The following PRKN variants were observed in gnomAD, a reference collection of about 807,000 sequenced individuals.
The protein encoded by PRKN is parkin RBR E3 ubiquitin protein ligase, also known as E3 ubiquitin-protein ligase parkin.
PRKN carries 56 observed loss-of-function variants against 59.5 expected under a neutral mutation model. The observed-to-expected ratio is 0.94, with a 90% confidence interval of 0.76 to 1.18. The LOEUF (loss-of-function observed/expected upper bound fraction) is 1.18, where lower values mean the gene tolerates loss of function less well. Ranked by LOEUF, PRKN falls within the 50% of genes most tolerant of loss-of-function variation. The pLI, the probability that PRKN is intolerant of heterozygous loss-of-function variation, is 0.00. For synonymous variants in PRKN, 250 were observed against 222.1 expected, an observed-to-expected ratio of 1.13 and a Z score of -1.12; for missense variants, 657 against 596.4, an observed-to-expected ratio of 1.10 and a Z score of -1.06.
chr6:161,656,950 G>C (rs998197434), intron 7 of PRKN, among the ~76,000 whole-genome samples: 1 of 152,180 alleles, frequency 6.6e-6, no homozygotes, highest in South Asian at 2.1e-4. Context: ...CTCGTAAGTT[G>C]TGTGTTTCTG....
intron 1 of PRKN, among the ~76,000 whole-genome samples, chr6:162,543,933 T>C (rs1438338086): frequency 4.6e-5 from 7 of 152,202 alleles, no homozygotes; most frequent in Admixed American, 2.0e-4. Flanking sequence ...TTTCTGACTA[T>C]GAAACCTTTA....
intron 5 of PRKN, among the ~76,000 whole-genome samples, chr6:162,010,215 T>C (rs898519075): frequency 3.7e-5 from 5 of 135,532 alleles, no homozygotes; most frequent in African/African-American, 1.4e-4. Flanking sequence ...ATATATATTA[T>C]ATATACATAA....
At chr6:162,706,757 T>C (rs1778353741) in intron 1 of PRKN, among the ~76,000 whole-genome samples, 1 of 152,158 alleles carries the variant, frequency 6.6e-6, no homozygotes, top group African/African-American at 2.4e-5. Flanking sequence ...TCAGGCATTG[T>C]TTTTATCTAT....
At chr6:161,722,834 GT>G (rs1787281774) in intron 7 of PRKN, among the ~76,000 whole-genome samples, 1 of 152,152 alleles carries the variant, frequency 6.6e-6, no homozygotes, top group Non-Finnish European at 1.5e-5. Flanking sequence ...TCTCTAAGAA[GT>G]TTTTCTTTTT....
intron 1 of PRKN, among the ~76,000 whole-genome samples, chr6:162,725,797 C>T (rs1189926855): frequency 6.7e-6 from 1 of 150,180 alleles, no homozygotes; most frequent in African/African-American, 2.4e-5. Context: ...AGACGTGTGT[C>T]TAATTTCAGA....
Position 161,423,319 on chromosome 6 carries a change from C to T in PRKN, c.1084-36442G>A, listed in dbSNP as rs1183326340. Among the ~76,000 whole-genome samples, 3 of 152,166 alleles carry T rather than the reference C, an allele frequency of 2.0e-5. No homozygotes were observed. The highest frequency in any genetic ancestry group is 4.4e-5 in the Non-Finnish European group (3 of 68,034). On this transcript the variant is annotated intron_variant, in intron 9 of 11. Transcript: ENST00000366898. The surrounding 1 kb of genome is among the most constrained non-coding windows in gnomAD (Gnocchi z 5.9). ...TTTCTAATGTACATAGAGGTGTCTA[C>T]ATGCAAACGGATAGCAGCTGAGACA...
intron 1 of PRKN, among the ~76,000 whole-genome samples, chr6:162,539,591 G>T (rs1778844110): frequency 6.6e-6 from 1 of 152,134 alleles, no homozygotes; most frequent in South Asian, 2.1e-4. Flanking sequence ...TATTCCAGGA[G>T]TCTCATGGAA....
intron 8 of PRKN, among the ~76,000 whole-genome samples, chr6:161,555,730 C>A (rs1290814535): frequency 2.0e-5 from 3 of 152,188 alleles, no homozygotes; most frequent in Non-Finnish European, 4.4e-5. Context: ...CAGACTTTTG[C>A]ACTCATTCCT....
Position 161,354,404 on chromosome 6 carries a change from C to T in PRKN, c.1286-4193G>A, listed in dbSNP as rs9458232. Among the ~76,000 whole-genome samples, 948 of 152,230 alleles carry T rather than the reference C, an allele frequency of 6.2e-3. 7 individuals are homozygous for T. Among genetic ancestry groups the T allele is most frequent in the African/African-American group, 0.022 (903 of 41,522 alleles). On this transcript the variant is annotated intron_variant, in intron 11 of 11. Coordinates refer to ENST00000366898, the MANE Select transcript of PRKN (RefSeq NM_004562.3). This position sits in a 1 kb window ranked among gnomAD's most constrained non-coding sequence, Gnocchi z 6.7. ...TCAGCCTACGCCGGGCAGTCGACAT[C>T]GTGGCTCCGGCCAGCAATTCTTCCA... is the stretch of plus-strand genomic sequence containing the variant.
rs374610010 is a variant in PRKN at position 161,745,613 on chromosome 6, A to C, written c.871+40159T>G. Among the ~76,000 whole-genome samples the C allele has an allele frequency of 1.2e-3, 183 of 152,290 alleles. 1 individual carries two copies. In the Middle Eastern group the frequency reaches 0.017, roughly 14 times the overall value. On this transcript the variant is annotated intron_variant, in intron 7 of 11. Transcript: ENST00000366898. ...TTGTATACTCTCCAGTTGACCCCTAAGGACAGCAAACAATTAACACCCTAT... is the reference window on the plus strand; with the variant it reads ...TTGTATACTCTCCAGTTGACCCCTACGGACAGCAAACAATTAACACCCTAT...
At chr6:161,760,888 G>T (rs899816647) in intron 7 of PRKN, among the ~76,000 whole-genome samples, 1 of 152,138 alleles carries the variant, frequency 6.6e-6, no homozygotes, top group African/African-American at 2.4e-5. Flanking sequence ...GTTATCAATG[G>T]CATGAATGAG....
At chr6:162,179,012 C>T (rs1783662278) in intron 4 of PRKN, among the ~76,000 whole-genome samples, 1 of 152,148 alleles carries the variant, frequency 6.6e-6, no homozygotes, top group Admixed American at 6.5e-5. Flanking sequence ...GCAGGGACTA[C>T]AGGTGTGTGC....
chr6:161,400,258 G>A lies in PRKN; in HGVS notation c.1084-13381C>T, dbSNP rs1004513581. Among the ~76,000 whole-genome samples, 14 of 152,088 alleles carry A rather than the reference G, an allele frequency of 9.2e-5. No homozygotes were observed. Among genetic ancestry groups the A allele is most frequent in the Non-Finnish European group, 1.6e-4 (11 of 68,026 alleles). Reference sequence around the variant, plus strand: ...AACACCTCCAATATTTTAGAAGAAAGTAGGATGAGGTGAGCTGGGGACATG... The same window carrying A: ...AACACCTCCAATATTTTAGAAGAAAATAGGATGAGGTGAGCTGGGGACATG... On this transcript the variant is annotated intron_variant, in intron 9 of 11. Transcript: ENST00000366898. This position sits in a 1 kb window ranked among gnomAD's most constrained non-coding sequence, Gnocchi z 4.2.
At chr6:162,316,403 T>A (rs922514515) in intron 2 of PRKN, among the ~76,000 whole-genome samples, 1 of 152,020 alleles carries the variant, frequency 6.6e-6, no homozygotes, top group East Asian at 1.9e-4. Context: ...AAACTGAACA[T>A]TCTGGTAAAA....
chr6:162,591,835 T>A (rs1256312694), intron 1 of PRKN, among the ~76,000 whole-genome samples: 1 of 149,396 alleles, frequency 6.7e-6, no homozygotes, highest in East Asian at 2.0e-4. Flanking sequence ...TTTGTAATAA[T>A]AATCAAAATT....
intron 6 of PRKN, among the ~76,000 whole-genome samples, chr6:161,973,026 C>A (rs894434304): frequency 1.3e-5 from 2 of 152,180 alleles, no homozygotes; most frequent in Admixed American, 1.3e-4. Flanking sequence ...ACTAAGATTA[C>A]ATACACTATT....
intron 7 of PRKN, among the ~76,000 whole-genome samples, chr6:161,689,031 A>C (rs1785670988): frequency 6.6e-6 from 1 of 152,188 alleles, no homozygotes; most frequent in Non-Finnish European, 1.5e-5. Flanking sequence ...AAAGCCTATG[A>C]AGATAATCTG....
chr6:161,652,263 G>C lies in PRKN; in HGVS notation c.872-82847C>G, dbSNP rs184505591. ...GGCTATTTGTATAAAAGAAAGTCAG[G>C]GTAGTGATAGACAGAACTAATGTAT... On this transcript the variant is annotated intron_variant, in intron 7 of 11. Transcript: ENST00000366898. 1.2e-4 allele frequency among the ~76,000 whole-genome samples: 18 copies of C among 152,242 alleles called. No homozygotes were observed. In the South Asian group the frequency reaches 1.9e-3, roughly 16 times the overall value.
intron 2 of PRKN, among the ~76,000 whole-genome samples, chr6:162,311,520 T>C (rs2128118160): frequency 6.7e-6 from 1 of 148,476 alleles, no homozygotes; most frequent in Non-Finnish European, 1.5e-5. Context: ...TCTCGCTCTG[T>C]CGCCCAGGCA....
Sources: gnomAD v4.1 joint callset for allele counts (sites outside exome capture counted in the v4.1 genomes callset) on GRCh38, gnomAD v4.1.1 for gene constraint, Gnocchi (gnomAD v3.1) non-coding constraint, MANE v1.5 for transcripts, NCBI Gene and HGNC (gene_info 2026-07-23, HGNC 2026-07-21) for gene names.